The following RIMS1 variants were observed in gnomAD, a reference collection of about 807,000 sequenced individuals.
RIMS1 encodes regulating synaptic membrane exocytosis 1.
Under a neutral mutation model 214.1 loss-of-function variants are expected in RIMS1, and 83 were observed. The ratio of observed to expected loss-of-function variants is 0.39; its 90% CI spans 0.32 to 0.47. The LOEUF is 0.47. RIMS1 is among the 20% of genes least tolerant of loss of function. The pLI, the probability that RIMS1 is intolerant of heterozygous loss-of-function variation, is 0.99. For missense variants in RIMS1, 2,050 were observed against 2,161.8 expected (o/e 0.95, Z 1.03); for synonymous variants, 793 against 786.8 (o/e 1.01, Z -0.13).
intron 2 of RIMS1, among the ~76,000 whole-genome samples, chr6:72,013,525 C>G (rs979665437): frequency 1.3e-5 from 2 of 152,082 alleles, no homozygotes; most frequent in Admixed American, 1.3e-4. Flanking sequence ...TGACAATATA[C>G]TGTGATTGTT....
At chr6:72,109,669 G>A (rs1424209415) in intron 4 of RIMS1, among the ~76,000 whole-genome samples, 1 of 152,146 alleles carries the variant, frequency 6.6e-6, no homozygotes, top group Non-Finnish European at 1.5e-5. Context: ...CACTCTGATG[G>A]TAGTTCCTGT....
chr6:72,261,434 G>A, intron 19 of RIMS1: 1 of 984,894 alleles, frequency 1.0e-6, no homozygotes, highest in East Asian at 1.1e-4. Flanking sequence ...CTTCTAAATT[G>A]GAGCTTAGAG....
chr6:72,194,783 A>G (rs1040621781), intron 6 of RIMS1, among the ~76,000 whole-genome samples: 13 of 152,108 alleles, frequency 8.5e-5, no homozygotes, highest in African/African-American at 2.9e-4. Flanking sequence ...CTGATTAACA[A>G]TGGGCTCTAT....
chr6:72,387,299 C>G (rs953968165), intron 29 of RIMS1, among the ~76,000 whole-genome samples: 3 of 152,214 alleles, frequency 2.0e-5, no homozygotes, highest in Non-Finnish European at 4.4e-5. Flanking sequence ...AATGTTCCTG[C>G]AATTTCTCTA....
At chr6:72,149,645 G>A (rs559678853) in intron 4 of RIMS1, among the ~76,000 whole-genome samples, 5 of 152,258 alleles carry the variant, frequency 3.3e-5, no homozygotes, top group East Asian at 1.9e-4. Flanking sequence ...AAAAGTCTGA[G>A]GACAAAAAGT....
chr6:71,921,282 A>C (rs1256982756), intron 1 of RIMS1, among the ~76,000 whole-genome samples: 1 of 152,018 alleles, frequency 6.6e-6, no homozygotes, highest in African/African-American at 2.4e-5. Context: ...CACCATGCCC[A>C]GCTAATTTTT....
intron 6 of RIMS1, among the ~76,000 whole-genome samples, chr6:72,221,150 C>T (rs945237931): frequency 6.6e-6 from 1 of 151,964 alleles, no homozygotes; most frequent in Admixed American, 6.6e-5. Context: ...CCACAGATTT[C>T]CTGGATGGTT....
At chr6:72,019,949 C>G (rs1303422382) in intron 2 of RIMS1, among the ~76,000 whole-genome samples, 1 of 152,172 alleles carries the variant, frequency 6.6e-6, no homozygotes, top group Non-Finnish European at 1.5e-5. Flanking sequence ...TTTTGCCAAG[C>G]TATACCAGAT....
chr6:72,351,075 T>C (rs2097429612), intron 29 of RIMS1, among the ~76,000 whole-genome samples: 1 of 152,120 alleles, frequency 6.6e-6, no homozygotes, highest in South Asian at 2.1e-4. Context: ...CATAAACATT[T>C]CATATTTATA....
intron 6 of RIMS1, among the ~76,000 whole-genome samples, chr6:72,205,475 T>A (rs1008841833): frequency 7.2e-5 from 11 of 152,156 alleles, no homozygotes; most frequent in Admixed American, 7.2e-4. Context: ...AATTAGGGAC[T>A]TTGGGGAAAC....
At chr6:72,216,891 T>TC (rs2056326529) in intron 6 of RIMS1, 1 of 1,110,000 alleles carries the variant, frequency 9.0e-7, no homozygotes, top group Non-Finnish European at 1.1e-6. Flanking sequence ...GGGAGCCACT[T>TC]TAGTACAGCA....
At chr6:72,025,287 C>T (rs974837423) in intron 2 of RIMS1, among the ~76,000 whole-genome samples, 5 of 152,040 alleles carry the variant, frequency 3.3e-5, no homozygotes, top group African/African-American at 1.2e-4. Context: ...TTTGGTTTTT[C>T]CCCAAGGATC....
rs141957143 is a variant in RIMS1, at chr6:72,346,233, G to A, written c.4366+12398G>A. Among the ~76,000 whole-genome samples, 447 of 151,746 alleles carry A rather than the reference G, an allele frequency of 2.9e-3. 1 individual carries two copies. Among genetic ancestry groups the A allele is most frequent in the Admixed American group, 5.5e-3 (83 of 15,184 alleles). The stretch of plus-strand genomic sequence containing the variant: ...ATAATTCTGGGGAACCAAATACAAG[G>A]GTAAGTAGATAAAGAAAAGGTATCA... On this transcript the variant is annotated intron_variant, in intron 29 of 33. Coordinates refer to ENST00000521978, the MANE Select transcript of RIMS1 (RefSeq NM_014989.7).
At chr6:72,126,583 A>G (rs557496655) in intron 4 of RIMS1, 1 of 172,144 alleles carries the variant, frequency 5.8e-6, no homozygotes, top group African/African-American at 2.4e-5. Context: ...AAGAAAAACA[A>G]AAAAAAAATA....
chr6:71,939,160 G>A (rs1261328782), intron 1 of RIMS1, among the ~76,000 whole-genome samples: 1 of 152,122 alleles, frequency 6.6e-6, no homozygotes, highest in Non-Finnish European at 1.5e-5. Context: ...AACAAAGATG[G>A]CCTTTACTCC....
chr6:72,044,433 C>G (rs181460339), intron 2 of RIMS1, among the ~76,000 whole-genome samples: 3 of 151,744 alleles, frequency 2.0e-5, no homozygotes, highest in Non-Finnish European at 2.9e-5. Flanking sequence ...AGACACTGTT[C>G]AGAAAATGAC....
At chr6:72,274,283 G>GTAT (rs1331718105) in intron 22 of RIMS1, 66 bp from the exon 23 acceptor site, 1 of 1,109,450 alleles carries the variant, frequency 9.0e-7, no homozygotes, top group Non-Finnish European at 1.3e-6. Flanking sequence ...CTTGTTCCAT[G>GTAT]TATTCTTTTA....
chr6:71,966,735 C>G (rs1413807231), intron 1 of RIMS1, among the ~76,000 whole-genome samples: 1 of 152,066 alleles, frequency 6.6e-6, no homozygotes, highest in East Asian at 1.9e-4. Flanking sequence ...GTTGGCCAGT[C>G]TGGTCTCAAA....
intron 2 of RIMS1, among the ~76,000 whole-genome samples, chr6:72,017,953 G>A (rs1813309375): frequency 6.6e-6 from 1 of 152,196 alleles, no homozygotes; most frequent in African/African-American, 2.4e-5. Flanking sequence ...CAAGACCAAA[G>A]AGGTTTCAAA....
Sources: gnomAD v4.1 joint callset for allele counts (sites outside exome capture counted in the v4.1 genomes callset) on GRCh38, gnomAD v4.1.1 for gene constraint, MANE v1.5 for transcripts, NCBI Gene and HGNC (gene_info 2026-07-23, HGNC 2026-07-21) for gene names.